Variants in PDGFD observed in about 807,000 individuals in gnomAD.
PDGFD encodes platelet derived growth factor D.
PDGFD carries 30 observed loss-of-function variants against 44.7 expected under a neutral mutation model. The ratio of observed to expected loss-of-function variants is 0.67; its 90% CI spans 0.50 to 0.91. The LOEUF (loss-of-function observed/expected upper bound fraction) is 0.91. Ranked by LOEUF, PDGFD falls within the 40% of genes least tolerant of loss-of-function variation. PDGFD has a pLI of 0.00. For missense variants in PDGFD, 445 were observed against 457.8 expected (o/e 0.97, Z 0.25); for synonymous variants, 173 against 168.4 (o/e 1.03, Z -0.21).
intron 3 of PDGFD, among the ~76,000 whole-genome samples, chr11:103,953,209 T>C (rs1432120240): frequency 6.6e-6 from 1 of 152,080 alleles, no homozygotes; most frequent in Admixed American, 6.6e-5. Flanking sequence ...AATGTATATA[T>C]ACAAAATGTT....
chr11:104,162,179 A>C (rs1438691046), intron 1 of PDGFD, among the ~76,000 whole-genome samples: 1 of 151,976 alleles, frequency 6.6e-6, no homozygotes, highest in Non-Finnish European at 1.5e-5. Flanking sequence ...GAGCTACATA[A>C]CTTGGTTTTA....
At chr11:103,950,359 G>A (rs532201409) in intron 3 of PDGFD, among the ~76,000 whole-genome samples, 51 of 146,452 alleles carry the variant, frequency 3.5e-4, no homozygotes, top group South Asian at 1.1e-3. Context: ...GACCAGCCTG[G>A]CCAACATGGT....
intron 1 of PDGFD, among the ~76,000 whole-genome samples, chr11:104,068,151 T>C (rs1239910194): frequency 6.6e-6 from 1 of 152,158 alleles, no homozygotes; most frequent in Non-Finnish European, 1.5e-5. Context: ...AACCCTGTGC[T>C]TCCTTAGGTT....
chr11:103,917,076 T>TAAAGTATTAAA (rs1196470620), intron 6 of PDGFD, among the ~76,000 whole-genome samples: 4 of 151,818 alleles, frequency 2.6e-5, no homozygotes, highest in Admixed American at 6.6e-5. Flanking sequence ...CCCCACAACT[T>TAAAGTATTAAA]AAAGTATTAA....
chr11:103,948,949 A>AAAAGAAAGAAAGAAAG (rs10690865), intron 3 of PDGFD, among the ~76,000 whole-genome samples: 38 of 145,744 alleles, frequency 2.6e-4, no homozygotes, highest in African/African-American at 9.3e-4. Flanking sequence ...TTAAAGTAAA[A>AAAAGAAAGAAAGAAAG]AAAGAAAGAA....
chr11:104,094,820 A>G (rs571489183), intron 1 of PDGFD, among the ~76,000 whole-genome samples: 18 of 152,256 alleles, frequency 1.2e-4, no homozygotes, highest in African/African-American at 4.3e-4. Context: ...TAAAATTCTT[A>G]AGACATGTAT....
At chr11:104,149,365 CA>C (rs1333271644) in intron 1 of PDGFD, among the ~76,000 whole-genome samples, 1 of 151,934 alleles carries the variant, frequency 6.6e-6, no homozygotes, top group Non-Finnish European at 1.5e-5. Flanking sequence ...AAATAAAGAC[CA>C]AAACAGTTCT....
At chr11:104,032,720 AT>A (rs1308324192) in intron 1 of PDGFD, among the ~76,000 whole-genome samples, 4 of 151,938 alleles carry the variant, frequency 2.6e-5, no homozygotes, top group Non-Finnish European at 5.9e-5. Context: ...TATTAAAAAA[AT>A]AACTTTGGGG....
rs1428505554 is a variant in PDGFD, at chr11:104,163,951, C to A, written c.-24G>T. ...ATTTGGGATCAGCGACTAGAGACAG[C>A]GTCGCTCCAAGAAAAAGCCGGGTTC... On this transcript the variant is annotated 5_prime_UTR_variant, in exon 1 of 7. Coordinates refer to ENST00000393158, the MANE Select transcript of PDGFD (RefSeq NM_025208.5). 1 of 1,508,508 alleles carries A rather than the reference C, an allele frequency of 6.6e-7. No individual in the cohort carries two copies. The highest frequency in any genetic ancestry group is 9.0e-7 in the Non-Finnish European group (1 of 1,113,902). 93.4% of individuals were successfully genotyped at this position (1,508,508 alleles called of 1,614,324 possible).
chr11:104,132,391 G>A (rs1861937714), intron 1 of PDGFD, among the ~76,000 whole-genome samples: 2 of 151,904 alleles, frequency 1.3e-5, no homozygotes, highest in Non-Finnish European at 2.9e-5. Context: ...GTACAGAGAT[G>A]TAACAAGATA....
At chr11:104,119,088 A>G (rs1279524140) in intron 1 of PDGFD, among the ~76,000 whole-genome samples, 5 of 76,988 alleles carry the variant, frequency 6.5e-5, no homozygotes, top group Non-Finnish European at 1.1e-4. Flanking sequence ...TATATAATAT[A>G]TTGATATAAT....
chr11:104,000,914 G>T (rs969598822), intron 1 of PDGFD, among the ~76,000 whole-genome samples: 3 of 152,172 alleles, frequency 2.0e-5, no homozygotes, highest in Admixed American at 2.0e-4. Flanking sequence ...TCTTGGAAGA[G>T]AGTTTCCAAA....
chr11:103,980,612 GT>G (rs1859256216), intron 3 of PDGFD, among the ~76,000 whole-genome samples: 1 of 151,928 alleles, frequency 6.6e-6, no homozygotes, highest in Non-Finnish European at 1.5e-5. Context: ...TGTTTTTCTT[GT>G]GCCAAGGCCT....
intron 1 of PDGFD, among the ~76,000 whole-genome samples, chr11:104,127,035 G>A (rs897576760): frequency 6.6e-6 from 1 of 152,016 alleles, no homozygotes; most frequent in Non-Finnish European, 1.5e-5. Flanking sequence ...CTAGCAGCAC[G>A]AATCCCGTGC....
intron 3 of PDGFD, among the ~76,000 whole-genome samples, chr11:103,982,536 G>A (rs934432889): frequency 2.6e-5 from 4 of 151,572 alleles, no homozygotes; most frequent in Admixed American, 6.6e-5. Context: ...TCATCACTCC[G>A]ATTCAATATA....
intron 1 of PDGFD, among the ~76,000 whole-genome samples, chr11:104,111,145 T>C (rs77982147): frequency 0.012 from 1,771 of 152,164 alleles, 37 homozygotes; most frequent in African/African-American, 0.038. Context: ...AGACTCATAG[T>C]TTATTACCTA....
chr11:104,000,225 C>T lies in PDGFD; in HGVS notation c.155G>A (p.Arg52Lys), dbSNP rs771348327. ...ESNHLTDLYR[R>K]DETIQVKGNG... ...TCCTTTCACCTGGATGGTCTCATCT[C>T]TTCGGTACAAGTCTGTGAGGTGATT... Residue 52 changes from arginine to lysine, a missense_variant, in exon 2 of 7, where the codon AGA becomes AAA. Transcript: ENST00000393158. 1.8e-5 allele frequency: 29 copies of T among 1,614,022 alleles called. No individual in the cohort carries two copies. Among genetic ancestry groups the T allele is most frequent in the East Asian group, 2.2e-5 (1 of 44,870 alleles).
intron 1 of PDGFD, among the ~76,000 whole-genome samples, chr11:104,131,997 CA>C (rs1229956100): frequency 2.8e-5 from 4 of 145,108 alleles, no homozygotes; most frequent in Non-Finnish European, 6.0e-5. Context: ...CAAAACAAAA[CA>C]AAAAAAACAC....
chr11:103,947,622 T>C (rs762806584), intron 4 of PDGFD, 40 bp downstream of exon 4: 2 of 1,532,790 alleles, frequency 1.3e-6, no homozygotes, highest in Admixed American at 1.7e-5. Flanking sequence ...AGCTGTTCCA[T>C]CCGTTTCTTT....
Sources: allele counts gnomAD v4.1 joint callset (sites outside exome capture counted in the v4.1 genomes callset), GRCh38; gene constraint gnomAD v4.1.1; transcripts MANE v1.5; gene names NCBI Gene and HGNC (gene_info 2026-07-23, HGNC 2026-07-21).